ZBTB20: variants seen among roughly 807,000 people sequenced by gnomAD.
ZBTB20 encodes zinc finger and BTB domain containing 20.
In ZBTB20, 9 loss-of-function variants were observed where a neutral mutation model predicts 56.9. That is an observed-to-expected ratio of 0.16 (90% CI 0.10 to 0.28). ZBTB20 has a LOEUF of 0.28. Ranked by LOEUF, ZBTB20 falls within the 10% of genes least tolerant of loss-of-function variation. The pLI, the probability that ZBTB20 is intolerant of heterozygous loss-of-function variation, is 1.00. For synonymous variants in ZBTB20, 417 were observed against 420.7 expected (o/e 0.99, Z 0.11); for missense variants, 655 against 1,003.0 (o/e 0.65, Z 4.69).
intron 4 of ZBTB20, among the ~76,000 whole-genome samples, chr3:114,803,777 C>G (rs917586662): frequency 4.8e-5 from 2 of 41,496 alleles, no homozygotes; most frequent in African/African-American, 9.4e-5. Context: ...TTTCAACTTT[C>G]TGTTTTTTTT....
intron 7 of ZBTB20, among the ~76,000 whole-genome samples, chr3:114,469,182 T>C (rs1011526115): frequency 1.3e-5 from 2 of 152,060 alleles, no homozygotes; most frequent in African/African-American, 4.8e-5. Context: ...AACTTTCTAA[T>C]TAAAGAAAGG....
intron 7 of ZBTB20, among the ~76,000 whole-genome samples, chr3:114,452,914 C>A (rs1487899474): frequency 1.3e-5 from 2 of 151,478 alleles, no homozygotes; most frequent in African/African-American, 4.8e-5. Flanking sequence ...CTATAATGTA[C>A]CTTAAAAAGA....
intron 7 of ZBTB20, among the ~76,000 whole-genome samples, chr3:114,424,225 A>G (rs938350289): frequency 2.6e-5 from 4 of 152,220 alleles, no homozygotes; most frequent in Admixed American, 2.6e-4. Context: ...AGGAGTGGAA[A>G]AGATGCACAC....
chr3:115,005,978 T>G (rs1340161115), intron 2 of ZBTB20, among the ~76,000 whole-genome samples: 1 of 151,598 alleles, frequency 6.6e-6, no homozygotes, highest in Non-Finnish European at 1.5e-5. Flanking sequence ...TTAATGTCCT[T>G]TTTGTTCCTA....
In ZBTB20 at chr3:114,647,459, C is replaced by T. The variant is rs563913492; in HGVS notation, c.-295+46069G>A. On this transcript the variant is annotated intron_variant, in intron 6 of 11. Coordinates refer to ENST00000675478, the MANE Select transcript of ZBTB20 (RefSeq NM_001348800.3). The stretch of plus-strand genomic sequence containing the variant: ...AAAAATATGAAGCCATGGGTGGCAG[C>T]TTGGAGTTCTCAAAAGTCCAAAGTG... Among the ~76,000 whole-genome samples, 128 of 152,288 alleles carry T rather than the reference C, an allele frequency of 8.4e-4. 1 individual carries two copies. The highest frequency in any genetic ancestry group is 3.0e-3 in the African/African-American group (124 of 41,554).
At chr3:114,377,782 TG>T (rs1380557274) in intron 10 of ZBTB20, among the ~76,000 whole-genome samples, 2 of 152,172 alleles carry the variant, frequency 1.3e-5, no homozygotes, top group Non-Finnish European at 2.9e-5. Context: ...TCCATCTACC[TG>T]GGTGTCAATT....
At position 114,559,881 on chromosome 3, in the gene ZBTB20, C is replaced by T. The variant is rs536491916; in HGVS notation, c.-294-59490G>A. 4.6e-5 allele frequency among the ~76,000 whole-genome samples: 7 copies of T among 152,122 alleles called. No homozygotes were observed. The East Asian group carries it at 1.4e-3, about 29-fold the overall frequency. On this transcript the variant is annotated intron_variant, in intron 6 of 11. Transcript: ENST00000675478. ...GTATCATTCTAATCATGTGGAAAGC[C>T]CACTGTGCTTTTAGTTTGTGTTTGT...
At chr3:114,641,398 T>A (rs559965432) in intron 6 of ZBTB20, among the ~76,000 whole-genome samples, 22 of 152,064 alleles carry the variant, frequency 1.4e-4, no homozygotes, top group African/African-American at 5.1e-4. Flanking sequence ...TACAAAAGTA[T>A]TGTGAACAGT....
chr3:114,753,442 C>CA (rs1560210074), intron 5 of ZBTB20, among the ~76,000 whole-genome samples: 1 of 9,382 alleles, frequency 1.1e-4, no homozygotes, highest in African/African-American at 1.6e-4. Flanking sequence ...TACACACACA[C>CA]TTTTTTTTTT....
intron 6 of ZBTB20, among the ~76,000 whole-genome samples, chr3:114,575,591 T>TAA (rs11338329): frequency 1.5e-4 from 21 of 138,370 alleles, no homozygotes; most frequent in Admixed American, 6.5e-4. Flanking sequence ...CTTTAAAAAA[T>TAA]AAAAAAAAAA....
chr3:114,888,316 G>A (rs934798609), intron 4 of ZBTB20, among the ~76,000 whole-genome samples: 1 of 152,032 alleles, frequency 6.6e-6, no homozygotes, highest in African/African-American at 2.4e-5. Context: ...CCAGCTACTG[G>A]GAAGCTGAGA....
intron 6 of ZBTB20, among the ~76,000 whole-genome samples, chr3:114,600,576 C>T (rs910559201): frequency 6.6e-6 from 1 of 151,978 alleles, no homozygotes; most frequent in Non-Finnish European, 1.5e-5. Flanking sequence ...TCACTGTGCT[C>T]TATTTACTCT....
At chr3:114,787,881 A>G (rs1194760370) in intron 5 of ZBTB20, among the ~76,000 whole-genome samples, 1 of 152,172 alleles carries the variant, frequency 6.6e-6, no homozygotes, top group Non-Finnish European at 1.5e-5. Flanking sequence ...CCTCCCTGCC[A>G]TTAGTTGACC....
intron 4 of ZBTB20, among the ~76,000 whole-genome samples, chr3:114,809,404 A>T (rs995683585): frequency 6.6e-6 from 1 of 151,846 alleles, no homozygotes; most frequent in African/African-American, 2.4e-5. Context: ...CTATTAATTG[A>T]TCTTCAATCT....
rs2076395067 is a variant in ZBTB20, at chr3:114,932,560, G to C, written c.-455-32218C>G. Among the ~76,000 whole-genome samples, 3 of 152,282 alleles carry C rather than the reference G, an allele frequency of 2.0e-5. No individual in the cohort carries two copies. The South Asian group carries it at 6.2e-4, about 32-fold the overall frequency. On this transcript the variant is annotated intron_variant, in intron 3 of 11. Transcript: ENST00000675478. ...CATTGTCTTTGTCACCCAGCACAGA[G>C]CCCATACATAAGTCATCACTCTATT...
At chr3:114,382,801 G>A (rs1336372614) in intron 8 of ZBTB20, among the ~76,000 whole-genome samples, 2 of 152,084 alleles carry the variant, frequency 1.3e-5, no homozygotes, top group African/African-American at 4.8e-5. Flanking sequence ...AGTATTCCTA[G>A]TGTTCACCTA....
intron 2 of ZBTB20, among the ~76,000 whole-genome samples, chr3:115,021,434 C>T (rs1043851408): frequency 4.0e-5 from 6 of 150,614 alleles, no homozygotes; most frequent in Admixed American, 2.0e-4. Flanking sequence ...CACATATACA[C>T]GTAAAGTTAA....
intron 7 of ZBTB20, among the ~76,000 whole-genome samples, chr3:114,459,601 G>A (rs1174053448): frequency 6.6e-6 from 1 of 152,056 alleles, no homozygotes; most frequent in Non-Finnish European, 1.5e-5. Context: ...AGAAAAGCTG[G>A]AAGCAACAAA....
chr3:114,565,948 C>T (rs2052675349), intron 6 of ZBTB20, among the ~76,000 whole-genome samples: 1 of 151,884 alleles, frequency 6.6e-6, no homozygotes, highest in African/African-American at 2.4e-5. Flanking sequence ...ATTATTTTTT[C>T]CTGCTTCACT....
Sources: gnomAD v4.1 joint callset for allele counts (sites outside exome capture counted in the v4.1 genomes callset) on GRCh38, gnomAD v4.1.1 for gene constraint, MANE v1.5 for transcripts, NCBI Gene and HGNC (gene_info 2026-07-23, HGNC 2026-07-21) for gene names.